The following TRAPPC12 variants were observed in gnomAD, a reference collection of about 807,000 sequenced individuals.
TRAPPC12 encodes the protein TPR repeat protein 15.
A neutral mutation model predicts 69.2 loss-of-function variants in TRAPPC12; 61 were observed. The ratio of observed to expected loss-of-function variants is 0.88; its 90% confidence interval spans 0.72 to 1.09. The LOEUF is 1.09. Ranked by LOEUF, TRAPPC12 falls within the 50% of genes least tolerant of loss-of-function variation. The probability of loss-of-function intolerance (pLI) is 0.00; values close to 1 mark genes in which losing one functional copy is unlikely to be tolerated. For missense variants in TRAPPC12, 1,101 were observed against 1,016.4 expected, an observed-to-expected ratio of 1.08 and a Z score of -1.13; for synonymous variants, 469 against 438.9, an observed-to-expected ratio of 1.07 and a Z score of -0.86.
intron 2 of TRAPPC12, among the ~76,000 whole-genome samples, chr2:3,394,637 G>C (rs896156942): frequency 6.7e-6 from 1 of 148,716 alleles, no homozygotes; most frequent in Admixed American, 6.7e-5. Flanking sequence ...AAAAAAAAAA[G>C]GGGGGGGAGA....
intron 3 of TRAPPC12, among the ~76,000 whole-genome samples, chr2:3,404,443 CA>C (rs1292771975): frequency 6.6e-6 from 1 of 151,914 alleles, no homozygotes; most frequent in Non-Finnish European, 1.5e-5. Context: ...ATCTTTTTCC[CA>C]AAAAAATCTT....
intron 3 of TRAPPC12, among the ~76,000 whole-genome samples, chr2:3,415,889 T>G (rs1443989066): frequency 6.6e-6 from 1 of 152,076 alleles, no homozygotes; most frequent in Non-Finnish European, 1.5e-5. Context: ...GCTAATTTTT[T>G]GTATTTTTAG....
intron 6 of TRAPPC12, chr2:3,455,662 G>A (rs879196603): frequency 1.3e-5 from 2 of 152,176 alleles, no homozygotes; most frequent in Admixed American, 1.3e-4. Context: ...TTCCATCCAT[G>A]CTGTTGTAAA....
At chr2:3,406,437 A>G (rs1661736049) in intron 3 of TRAPPC12, among the ~76,000 whole-genome samples, 1 of 152,204 alleles carries the variant, frequency 6.6e-6, no homozygotes, top group Non-Finnish European at 1.5e-5. Flanking sequence ...TTACCTTCAC[A>G]CATCACACCA....
intron 1 of TRAPPC12, among the ~76,000 whole-genome samples, chr2:3,384,486 T>G (rs2103420306): frequency 6.6e-6 from 1 of 152,340 alleles, no homozygotes; most frequent in Middle Eastern, 3.4e-3. Context: ...GGAAGTTACT[T>G]TCTGTTGCTA....
chr2:3,422,381 G>A (rs924253968), intron 4 of TRAPPC12, among the ~76,000 whole-genome samples: 1 of 152,100 alleles, frequency 6.6e-6, no homozygotes, highest in African/African-American at 2.4e-5. Flanking sequence ...GAGGGTCCAT[G>A]TGCCATTTGC....
At chr2:3,457,060 G>A in intron 6 of TRAPPC12, 1 of 461,900 alleles carries the variant, frequency 2.2e-6, no homozygotes, top group Non-Finnish European at 4.4e-6. Flanking sequence ...GTGTGTCCCT[G>A]TGGGCGAACG....
At chr2:3,457,784 C>G (rs985904353) in intron 7 of TRAPPC12, 91 bp downstream of exon 7, 65 of 1,550,232 alleles carry the variant, frequency 4.2e-5, no homozygotes, top group Admixed American at 5.8e-5. Flanking sequence ...CTTCTCCTTT[C>G]CTTTCTGTAG....
At chr2:3,462,656 C>T (rs1213347443) in intron 8 of TRAPPC12, among the ~76,000 whole-genome samples, 3 of 152,252 alleles carry the variant, frequency 2.0e-5, no homozygotes, top group East Asian at 3.8e-4. Context: ...CTATAATGCA[C>T]AGTGGCATGT....
intron 2 of TRAPPC12, among the ~76,000 whole-genome samples, chr2:3,389,367 T>C (rs773002447): frequency 1.3e-5 from 2 of 152,198 alleles, no homozygotes; most frequent in Non-Finnish European, 2.9e-5. Flanking sequence ...TGCGAGCAAC[T>C]GAGTGTAGGG....
chr2:3,424,490 G>T (rs1484816060), intron 4 of TRAPPC12, 35 bp from the exon 5 acceptor site: 2 of 1,605,844 alleles, frequency 1.2e-6, no homozygotes, highest in Non-Finnish European at 1.7e-6. Flanking sequence ...GATATATGTA[G>T]ATAACCTATT....
intron 6 of TRAPPC12, among the ~76,000 whole-genome samples, chr2:3,444,650 T>G (rs1664413504): frequency 1.3e-5 from 2 of 152,244 alleles, no homozygotes; most frequent in South Asian, 4.1e-4. Context: ...TTATAATTTT[T>G]GGGAAAACTA....
At chr2:3,418,206 G>T (rs1404106193) in intron 3 of TRAPPC12, among the ~76,000 whole-genome samples, 3 of 90,518 alleles carry the variant, frequency 3.3e-5, no homozygotes, top group African/African-American at 1.2e-4. Context: ...ACAAATACTC[G>T]CCTGCTTCTG....
At chr2:3,444,971 C>T (rs753534605) in intron 6 of TRAPPC12, among the ~76,000 whole-genome samples, 20 of 152,134 alleles carry the variant, frequency 1.3e-4, no homozygotes, top group Non-Finnish European at 2.5e-4. Context: ...AATCTTAAAA[C>T]GGGGTTTAAT....
intron 9 of TRAPPC12, among the ~76,000 whole-genome samples, chr2:3,475,876 T>A (rs1666271182): frequency 6.6e-6 from 1 of 152,238 alleles, no homozygotes; most frequent in South Asian, 2.1e-4. Context: ...CGAGCTGTGC[T>A]TGTAAGCGCT....
At chr2:3,399,915 C>A (rs955658900) in intron 2 of TRAPPC12, among the ~76,000 whole-genome samples, 4 of 152,076 alleles carry the variant, frequency 2.6e-5, no homozygotes, top group South Asian at 2.1e-4. Context: ...CTTCTCTGCA[C>A]CCTCAGTCAC....
rs1308207739 is a variant in TRAPPC12 at position 3,460,144 on chromosome 2, A to G, written c.1604-119A>G. ...TATTCAGCATTCCAGGCCGAAATCC[A>G]GTGGTGTTAACAAGAGGGATCTTTT... On this transcript the variant is annotated intron_variant, in intron 7 of 11. Transcript: ENST00000324266. 6 of 768,996 alleles carry G rather than the reference A, an allele frequency of 7.8e-6. No homozygotes were observed. The Admixed American group carries it at 1.2e-4, about 15-fold the overall frequency. 47.6% of individuals were successfully genotyped at this position (768,996 alleles called of 1,614,324 possible).
intron 8 of TRAPPC12, among the ~76,000 whole-genome samples, chr2:3,464,163 C>T (rs938083973): frequency 4.6e-5 from 7 of 151,948 alleles, no homozygotes; most frequent in Admixed American, 2.6e-4. Flanking sequence ...CTCACACACA[C>T]GCTCACACTC....
chr2:3,473,391 A>G (rs925796661), intron 9 of TRAPPC12, among the ~76,000 whole-genome samples: 1 of 152,260 alleles, frequency 6.6e-6, no homozygotes, highest in African/African-American at 2.4e-5. Context: ...AGTTTTTCTG[A>G]TAAGCTTTAA....
Sources: allele counts gnomAD v4.1 joint callset (sites outside exome capture counted in the v4.1 genomes callset), GRCh38; gene constraint gnomAD v4.1.1; transcripts MANE v1.5; gene names NCBI Gene and HGNC (gene_info 2026-07-23, HGNC 2026-07-21).